BNC2: variants seen among roughly 807,000 people sequenced by gnomAD.
The protein encoded by BNC2 is zinc finger protein basonuclin-2.
A neutral mutation model predicts 76.3 loss-of-function variants in BNC2; 20 were observed. The ratio of observed to expected loss-of-function variants is 0.26; its 90% CI spans 0.18 to 0.38. The LOEUF is 0.38. Among genes scored for constraint, BNC2 ranks in the 10% least tolerant of loss-of-function variants. The probability of loss-of-function intolerance (pLI) is 1.00; values close to 1 mark genes in which losing one functional copy is unlikely to be tolerated. For synonymous variants in BNC2, 582 were observed against 514.8 expected (o/e 1.13, Z -1.77); for missense variants, 1,382 against 1,399.8 (o/e 0.99, Z 0.20).
At chr9:16,502,334 C>A (rs1033539695) in intron 5 of BNC2, among the ~76,000 whole-genome samples, 2 of 152,142 alleles carry the variant, frequency 1.3e-5, no homozygotes, top group African/African-American at 4.8e-5. Flanking sequence ...GGCGACAGAG[C>A]AAGACTCTGT....
chr9:16,688,427 T>G (rs900394187), intron 3 of BNC2, among the ~76,000 whole-genome samples: 11 of 152,342 alleles, frequency 7.2e-5, no homozygotes, highest in African/African-American at 2.6e-4. Context: ...TAGTCTATTG[T>G]AAATTAGGAT....
At chr9:16,422,258 C>T (rs1820725418) in intron 6 of BNC2, among the ~76,000 whole-genome samples, 1 of 152,158 alleles carries the variant, frequency 6.6e-6, no homozygotes, top group Admixed American at 6.5e-5. Context: ...ATGTGTAGAC[C>T]AGCTCTGGCA....
chr9:16,555,525 G>A (rs1414645652), intron 4 of BNC2, among the ~76,000 whole-genome samples: 1 of 152,180 alleles, frequency 6.6e-6, no homozygotes, highest in African/African-American at 2.4e-5. Context: ...AGCTGGGCAA[G>A]GTGGCTCACA....
At chr9:16,769,248 G>C (rs543238786) in intron 1 of BNC2, among the ~76,000 whole-genome samples, 1 of 152,268 alleles carries the variant, frequency 6.6e-6, no homozygotes, top group African/African-American at 2.4e-5. Context: ...AGGTCTGCAG[G>C]CTTCATGAGC....
At chr9:16,575,215 A>G (rs763633193) in intron 4 of BNC2, 22 of 953,636 alleles carry the variant, frequency 2.3e-5, no homozygotes, top group Non-Finnish European at 2.7e-5. Context: ...GAATGTAAAC[A>G]GTCTCATTCA....
At chr9:16,740,105 C>T (rs970407088) in intron 1 of BNC2, among the ~76,000 whole-genome samples, 1 of 152,136 alleles carries the variant, frequency 6.6e-6, no homozygotes, top group African/African-American at 2.4e-5. Context: ...ACAGGAGCAT[C>T]GTGATTGTCC....
At chr9:16,435,462 T>C in intron 6 of BNC2, 93 bp downstream of exon 6, 1 of 1,454,156 alleles carries the variant, frequency 6.9e-7, no homozygotes. Context: ...ACCAAAAACA[T>C]CTAAGTTGGA....
intron 4 of BNC2, among the ~76,000 whole-genome samples, chr9:16,565,709 G>C (rs947263476): frequency 6.6e-6 from 1 of 151,848 alleles, no homozygotes; most frequent in African/African-American, 2.4e-5. Context: ...TTGGGAGGCT[G>C]AGATGGGAGG....
At chr9:16,759,965 C>T (rs1040530323) in intron 1 of BNC2, among the ~76,000 whole-genome samples, 14 of 152,256 alleles carry the variant, frequency 9.2e-5, no homozygotes, top group Admixed American at 2.6e-4. Context: ...CCTCGTGATC[C>T]GCCCACCTCG....
chr9:16,568,907 C>T (rs747917114), intron 4 of BNC2, among the ~76,000 whole-genome samples: 15 of 151,406 alleles, frequency 9.9e-5, no homozygotes, highest in Non-Finnish European at 1.3e-4. Context: ...AAGTTAAGTA[C>T]AAAATAACTC....
intron 1 of BNC2, among the ~76,000 whole-genome samples, chr9:16,841,605 G>C (rs374695849): frequency 1.2e-4 from 18 of 152,056 alleles, no homozygotes; most frequent in African/African-American, 3.9e-4. Context: ...TCCTTGAGTG[G>C]TTTCACTGCA....
At chr9:16,697,439 T>C (rs1357428377) in intron 3 of BNC2, among the ~76,000 whole-genome samples, 1 of 149,432 alleles carries the variant, frequency 6.7e-6, no homozygotes, top group Non-Finnish European at 1.5e-5. Flanking sequence ...GTATACGATG[T>C]GGCAGGGCAC....
At chr9:16,653,793 G>A (rs1164740479) in intron 3 of BNC2, among the ~76,000 whole-genome samples, 2 of 152,118 alleles carry the variant, frequency 1.3e-5, no homozygotes, top group Admixed American at 6.6e-5. Flanking sequence ...TTTGGACTAC[G>A]GCTGTGCCCT....
intron 3 of BNC2, among the ~76,000 whole-genome samples, chr9:16,654,857 G>GA (rs1821883926): frequency 1.3e-5 from 2 of 152,074 alleles, no homozygotes; most frequent in Admixed American, 1.3e-4. Context: ...CTTAATGCAG[G>GA]AAAAATGACG....
At chr9:16,770,501 C>T (rs1014764830) in intron 1 of BNC2, among the ~76,000 whole-genome samples, 1 of 152,240 alleles carries the variant, frequency 6.6e-6, no homozygotes, top group Admixed American at 6.5e-5. Flanking sequence ...CAAAATGACC[C>T]ATATGAATAC....
intron 2 of BNC2, among the ~76,000 whole-genome samples, chr9:16,733,058 A>T (rs898220990): frequency 6.6e-6 from 1 of 152,232 alleles, no homozygotes; most frequent in African/African-American, 2.4e-5. Flanking sequence ...TTCATATGGC[A>T]TTAAGGTATA....
chr9:16,629,801 G>A (rs1321229137), intron 3 of BNC2, among the ~76,000 whole-genome samples: 4 of 152,116 alleles, frequency 2.6e-5, no homozygotes, highest in Non-Finnish European at 2.9e-5. Context: ...GCTAACAATC[G>A]TCTGAGCCTT....
chr9:16,835,770 C>G (rs142275242), intron 1 of BNC2, among the ~76,000 whole-genome samples: 136 of 152,270 alleles, frequency 8.9e-4, no homozygotes, highest in African/African-American at 3.0e-3. Flanking sequence ...AGGCACAGTT[C>G]TGGTATCCTA....
intron 4 of BNC2, among the ~76,000 whole-genome samples, chr9:16,557,253 C>A (rs1317693622): frequency 6.6e-6 from 1 of 152,120 alleles, no homozygotes. Flanking sequence ...AATCCCAGCA[C>A]TTTGGGAGGT....
Sources: gnomAD v4.1 joint callset for allele counts (sites outside exome capture counted in the v4.1 genomes callset) on GRCh38, gnomAD v4.1.1 for gene constraint, MANE v1.5 for transcripts, NCBI Gene and HGNC (gene_info 2026-07-23, HGNC 2026-07-21) for gene names.